The following APBA2 variants were observed in gnomAD, a reference collection of about 807,000 sequenced individuals.
APBA2 encodes amyloid-beta A4 precursor protein-binding family A member 2.
Under a neutral mutation model 75.0 loss-of-function variants are expected in APBA2, and 30 were observed. The observed-to-expected ratio is 0.40, with a 90% CI of 0.30 to 0.54. The LOEUF is 0.54. Ranked by LOEUF, APBA2 falls within the 20% of genes least tolerant of loss-of-function variation. APBA2 has a pLI of 0.49. For synonymous variants in APBA2, 444 were observed against 409.6 expected (o/e 1.08, Z -1.01); for missense variants, 801 against 1,016.1 (o/e 0.79, Z 2.88).
intron 2 of APBA2, among the ~76,000 whole-genome samples, chr15:28,922,469 G>T (rs192942968): frequency 2.6e-5 from 4 of 152,276 alleles, no homozygotes; most frequent in African/African-American, 7.2e-5. Flanking sequence ...AGCCCCTCCT[G>T]CAGAGGTGGG....
intron 4 of APBA2, among the ~76,000 whole-genome samples, chr15:29,071,837 C>T (rs1040591273): frequency 2.0e-5 from 3 of 151,704 alleles, no homozygotes; most frequent in East Asian, 2.0e-4. Flanking sequence ...ATAGAGGAAA[C>T]GCTGTTATGG....
At chr15:29,055,336 GC>G (rs2041835614) in intron 4 of APBA2, among the ~76,000 whole-genome samples, 1 of 152,242 alleles carries the variant, frequency 6.6e-6, no homozygotes, top group Non-Finnish European at 1.5e-5. Context: ...AAGCCCGGGG[GC>G]CTTGGCCTGA....
rs538010274 is a variant in APBA2 at position 29,103,020 on chromosome 15, A to C, written c.1524+1236A>C. Among the ~76,000 whole-genome samples the C allele has an allele frequency of 2.4e-4, 36 of 152,222 alleles. No individual in the cohort carries two copies. The Middle Eastern group carries it at 0.01, about 43-fold the overall frequency. ...GAGGGAGAGAGCATTTCAACAGCGC[A>C]CTCACACATTCCTTCCACCGCTACA... On this transcript the variant is annotated intron_variant, in intron 10 of 14. Coordinates refer to ENST00000683413, the MANE Select transcript of APBA2 (RefSeq NM_001353788.2).
At chr15:29,057,870 T>C (rs192217177) in intron 4 of APBA2, among the ~76,000 whole-genome samples, 2 of 152,336 alleles carry the variant, frequency 1.3e-5, no homozygotes, top group Admixed American at 1.3e-4. Context: ...TACATCAACG[T>C]TGACCATTTC....
chr15:29,045,982 A>G (rs2041307284), intron 3 of APBA2, among the ~76,000 whole-genome samples: 1 of 152,154 alleles, frequency 6.6e-6, no homozygotes, highest in South Asian at 2.1e-4. Context: ...TTGTATCCCT[A>G]GAAGGAGTAT....
At position 28,899,106 on chromosome 15, in the gene APBA2, G is replaced by A. The variant is rs149174590; in HGVS notation, c.-205+12828G>A. ...AAAGAGCTTTAAGAAGAGCAGTCGG[G>A]GGGAGATGTGGCGCATGGAGAACTC... On this transcript the variant is annotated intron_variant, in intron 1 of 14. Coordinates refer to ENST00000683413, the MANE Select transcript of APBA2 (RefSeq NM_001353788.2). 5.4e-3 allele frequency among the ~76,000 whole-genome samples: 826 copies of A among 152,350 alleles called. 3 individuals carry two copies. The highest frequency in any genetic ancestry group is 8.1e-3 in the Non-Finnish European group (554 of 68,030).
intron 3 of APBA2, among the ~76,000 whole-genome samples, chr15:29,009,625 A>G (rs2039300533): frequency 1.3e-5 from 2 of 150,770 alleles, no homozygotes; most frequent in African/African-American, 5.0e-5. Flanking sequence ...CCTAGCACCA[A>G]ATGTTATTTT....
At chr15:29,020,204 T>G (rs1321346500) in intron 3 of APBA2, among the ~76,000 whole-genome samples, 1 of 152,144 alleles carries the variant, frequency 6.6e-6, no homozygotes, top group Non-Finnish European at 1.5e-5. Context: ...AAAAAAGGTT[T>G]AATACATCCT....
chr15:28,981,578 C>T (rs1396639642), intron 2 of APBA2, among the ~76,000 whole-genome samples: 1 of 152,182 alleles, frequency 6.6e-6, no homozygotes, highest in East Asian at 1.9e-4. Flanking sequence ...ATTATTCAGC[C>T]ACCTTGGAAA....
At chr15:28,915,596 G>A (rs1369823396) in intron 1 of APBA2, among the ~76,000 whole-genome samples, 6 of 137,136 alleles carry the variant, frequency 4.4e-5, no homozygotes, top group African/African-American at 1.7e-4. Flanking sequence ...ACCACACACC[G>A]CATTCCACAC....
At chr15:28,958,936 A>G (rs944753349) in intron 2 of APBA2, among the ~76,000 whole-genome samples, 4 of 152,072 alleles carry the variant, frequency 2.6e-5, no homozygotes, top group African/African-American at 4.8e-5. Flanking sequence ...TTCATTAAAC[A>G]AATCTCTTCA....
chr15:28,934,432 A>G (rs1477220026), intron 2 of APBA2, among the ~76,000 whole-genome samples: 3 of 152,150 alleles, frequency 2.0e-5, no homozygotes, highest in South Asian at 2.1e-4. Context: ...TGGCAGCTCA[A>G]CGCTGGTCTT....
At chr15:28,974,902 G>A (rs1306584330) in intron 2 of APBA2, among the ~76,000 whole-genome samples, 2 of 151,922 alleles carry the variant, frequency 1.3e-5, no homozygotes, top group African/African-American at 4.8e-5. Context: ...GAGTAAGATT[G>A]GAAATTCATG....
At chr15:28,959,962 G>A (rs1156548559) in intron 2 of APBA2, among the ~76,000 whole-genome samples, 1 of 152,056 alleles carries the variant, frequency 6.6e-6, no homozygotes, top group Non-Finnish European at 1.5e-5. Context: ...TGGGCAACAT[G>A]GTGAAACGCC....
chr15:28,908,588 C>A (rs948566225), intron 1 of APBA2, among the ~76,000 whole-genome samples: 20 of 152,100 alleles, frequency 1.3e-4, no homozygotes, highest in African/African-American at 4.6e-4. Flanking sequence ...GGATTACAGG[C>A]GTGAGCCACT....
At chr15:29,002,211 C>T (rs2038885313) in intron 3 of APBA2, among the ~76,000 whole-genome samples, 1 of 152,188 alleles carries the variant, frequency 6.6e-6, no homozygotes, top group Non-Finnish European at 1.5e-5. Context: ...TACGGACATG[C>T]TAATTTAACT....
At chr15:28,909,548 C>T (rs2033329128) in intron 1 of APBA2, among the ~76,000 whole-genome samples, 2 of 152,166 alleles carry the variant, frequency 1.3e-5, no homozygotes, top group South Asian at 2.1e-4. Context: ...TAGAAAGAAT[C>T]CAAGAAGCCA....
intron 1 of APBA2, among the ~76,000 whole-genome samples, chr15:28,890,069 C>G (rs1462468875): frequency 6.6e-6 from 1 of 152,172 alleles, no homozygotes; most frequent in Admixed American, 6.5e-5. Flanking sequence ...AGTCTCCTTG[C>G]AGCACATGTC....
chr15:29,030,792 G>A (rs912428570), intron 3 of APBA2, among the ~76,000 whole-genome samples: 1 of 151,490 alleles, frequency 6.6e-6, no homozygotes, highest in African/African-American at 2.4e-5. Context: ...TATTTGTTAG[G>A]TACGGGGTTC....
Sources: allele counts gnomAD v4.1 joint callset (sites outside exome capture counted in the v4.1 genomes callset), GRCh38; gene constraint gnomAD v4.1.1; transcripts MANE v1.5; gene names NCBI Gene and HGNC (gene_info 2026-07-23, HGNC 2026-07-21).